DMGDH: variants seen among roughly 807,000 people sequenced by gnomAD.
DMGDH encodes the protein dimethylglycine dehydrogenase.
A neutral mutation model predicts 95.2 loss-of-function variants in DMGDH; 76 were observed. The ratio of observed to expected loss-of-function variants is 0.80; its 90% CI spans 0.66 to 0.97. The LOEUF (loss-of-function observed/expected upper bound fraction) is 0.97. DMGDH is among the 50% of genes least tolerant of loss of function. The pLI, the probability that DMGDH is intolerant of heterozygous loss-of-function variation, is 0.00. For missense variants in DMGDH, 987 were observed against 1,055.0 expected (o/e 0.94, Z 0.89); for synonymous variants, 345 against 377.6 (o/e 0.91, Z 1.00).
At chr5:79,008,490 C>T (rs893108221) in intron 14 of DMGDH, among the ~76,000 whole-genome samples, 4 of 152,182 alleles carry the variant, frequency 2.6e-5, no homozygotes, top group Non-Finnish European at 5.9e-5. Flanking sequence ...CTGTTCATTT[C>T]GCCTACTCTG....
At chr5:79,039,574 G>A (rs1314335304) in intron 7 of DMGDH, among the ~76,000 whole-genome samples, 2 of 152,044 alleles carry the variant, frequency 1.3e-5, no homozygotes, top group Non-Finnish European at 2.9e-5. Context: ...AGGGGAGTGG[G>A]GAGGGATAAC....
Position 79,044,342 on chromosome 5 carries a change from T to A in DMGDH, c.956A>T (p.Lys319Ile), listed in dbSNP as rs1271505676. The change falls in exon 6 of 16, where the codon AAA becomes ATA. Residue 319 changes from lysine (K) to isoleucine (I), a missense_variant. Coordinates refer to ENST00000255189, the MANE Select transcript of DMGDH (RefSeq NM_013391.3). ...ATTGGTGACCCAGGAGTCCTGAACT[T>A]TCATTTTCTCTTGACTTTCATATGG... ...FGPYESQEKM[K>I]VQDSWVTNGV... 1.2e-6 allele frequency: 2 copies of A among 1,614,170 alleles called. No individual in the cohort carries two copies. Among genetic ancestry groups the A allele is most frequent in the East Asian group, 4.5e-5 (2 of 44,872 alleles).
chr5:79,035,226 A>C (rs1754315037), intron 7 of DMGDH, among the ~76,000 whole-genome samples: 1 of 152,206 alleles, frequency 6.6e-6, no homozygotes, highest in African/African-American at 2.4e-5. Context: ...AATGTTTATT[A>C]AACTTAGCAC....
intron 4 of DMGDH, among the ~76,000 whole-genome samples, chr5:79,053,851 T>C (rs1336647020): frequency 6.6e-6 from 1 of 152,202 alleles, no homozygotes; most frequent in Non-Finnish European, 1.5e-5. Context: ...ACATTTATCA[T>C]ATCAGGTTAT....
intron 2 of DMGDH, among the ~76,000 whole-genome samples, chr5:79,061,220 A>AACACACACACACAC (rs34931005): frequency 1.9e-4 from 27 of 141,752 alleles, no homozygotes; most frequent in African/African-American, 5.7e-4. Flanking sequence ...CTCTGTCTCA[A>AACACACACACACAC]ACACACACAC....
rs771576303 is a variant in DMGDH at position 79,063,827 on chromosome 5, A to G, written c.102-40T>C. The G allele has an allele frequency of 3.1e-6, 5 of 1,604,858 alleles. No homozygotes were observed. The South Asian group carries it at 5.5e-5, about 18-fold the overall frequency. On this transcript the variant is annotated intron_variant, in intron 1 of 15. Transcript: ENST00000255189. ...GTTAAAATGGGAACTTCAATCGGCA[A>G]TGGTAGCTATAGTTCTGGCCTAAAG... is the stretch of plus-strand genomic sequence containing the variant.
intron 14 of DMGDH, among the ~76,000 whole-genome samples, chr5:79,019,481 G>C (rs1432806475): frequency 6.6e-6 from 1 of 151,944 alleles, no homozygotes; most frequent in Non-Finnish European, 1.5e-5. Flanking sequence ...ATCACCTGTG[G>C]AGCTTTAAAA....
chr5:79,029,672 TA>T (rs139430239), intron 11 of DMGDH, among the ~76,000 whole-genome samples: 25,506 of 152,168 alleles, frequency 0.17, 2,651 homozygotes, highest in Non-Finnish European at 0.23. Context: ...TGATGCCTAA[TA>T]AATGGATTAA....
intron 2 of DMGDH, 71 bp downstream of exon 2, chr5:79,063,542 T>C (rs958452155): frequency 6.3e-7 from 1 of 1,593,770 alleles, no homozygotes; most frequent in Non-Finnish European, 8.6e-7. Context: ...TTGGGAGTTG[T>C]GAACGGGAAG....
intron 2 of DMGDH, 105 bp downstream of exon 2, chr5:79,063,508 G>T: frequency 7.5e-7 from 1 of 1,335,804 alleles, no homozygotes; most frequent in Non-Finnish European, 1.1e-6. Context: ...TATTGAAGGG[G>T]AACGCACTCT....
chr5:79,030,652 A>G, intron 10 of DMGDH, 181 bp downstream of exon 10: 1 of 527,400 alleles, frequency 1.9e-6, no homozygotes, highest in Non-Finnish European at 3.1e-6. Flanking sequence ...TCTCTCAAAA[A>G]AAAAAAAAAA....
chr5:79,029,723 G>A (rs1317548618), intron 11 of DMGDH, among the ~76,000 whole-genome samples, 181 bp downstream of exon 11: 1 of 152,114 alleles, frequency 6.6e-6, no homozygotes, highest in Non-Finnish European at 1.5e-5. Flanking sequence ...ATTACCTTTG[G>A]GAGGGGCAGG....
At chr5:79,053,286 A>G (rs1211204333) in intron 4 of DMGDH, among the ~76,000 whole-genome samples, 6 of 152,094 alleles carry the variant, frequency 3.9e-5, no homozygotes, top group Non-Finnish European at 8.8e-5. Context: ...CCAAGTAGCT[A>G]GGACTACAGA....
chr5:79,047,064 G>T (rs1754698403), intron 5 of DMGDH, among the ~76,000 whole-genome samples: 1 of 152,034 alleles, frequency 6.6e-6, no homozygotes, highest in Non-Finnish European at 1.5e-5. Flanking sequence ...GTGTCCTTTA[G>T]CATTCTCTTC....
rs369926446 is a variant in DMGDH at position 78,998,136 on chromosome 5, C to A, written c.2547G>T (p.Leu849Phe). The change falls in exon 16 of 16, where the codon TTG (leucine) becomes TTT (phenylalanine). Residue 849 changes from leucine to phenylalanine, a missense_variant. Coordinates refer to ENST00000255189, the MANE Select transcript of DMGDH (RefSeq NM_013391.3). ...GAAGCCGGTTTCTGGTTGGTTCGGT[C>A]AATACCAAAGGTTCTTGTATGATGA... ...PAVIIQEPLV[L>F]TEPTRNRLQK... is the part of the protein sequence containing the mutation. 15 of 1,614,142 alleles carry A rather than the reference C, an allele frequency of 9.3e-6. No individual in the cohort carries two copies. Among genetic ancestry groups the A allele is most frequent in the Non-Finnish European group, 1.2e-5 (14 of 1,180,040 alleles).
chr5:79,031,269 T>C (rs771787377), intron 9 of DMGDH, among the ~76,000 whole-genome samples: 2 of 152,226 alleles, frequency 1.3e-5, no homozygotes, highest in Non-Finnish European at 2.9e-5. Flanking sequence ...ATATAATTCA[T>C]GGGCTCTCAG....
intron 5 of DMGDH, among the ~76,000 whole-genome samples, chr5:79,048,820 T>C (rs947361537): frequency 2.0e-5 from 3 of 151,228 alleles, no homozygotes; most frequent in Non-Finnish European, 2.9e-5. Flanking sequence ...ACTACTAATA[T>C]GTAATCAGTT....
chr5:79,044,291 T>C lies in DMGDH; in HGVS notation c.994+13A>G. ...ATGTCTGACTAGCACACACTTTCAT[T>C]TGCTGAACCCACCTGGAGGAACTCC... On this transcript the variant is annotated intron_variant, in intron 6 of 15. Transcript: ENST00000255189. 1 of 1,614,192 alleles carries C rather than the reference T, an allele frequency of 6.2e-7. No homozygotes were observed. Among genetic ancestry groups the C allele is most frequent in the Non-Finnish European group, 8.5e-7 (1 of 1,180,010 alleles).
chr5:79,018,325 T>C (rs1228636666), intron 14 of DMGDH, among the ~76,000 whole-genome samples: 1 of 152,200 alleles, frequency 6.6e-6, no homozygotes, highest in African/African-American at 2.4e-5. Context: ...AGGTATGAGA[T>C]GCCACTGGGA....
Sources: gnomAD v4.1 joint callset for allele counts (sites outside exome capture counted in the v4.1 genomes callset) on GRCh38, gnomAD v4.1.1 for gene constraint, MANE v1.5 for transcripts, NCBI Gene and HGNC (gene_info 2026-07-23, HGNC 2026-07-21) for gene names.